Variants in DNAH12 observed in about 807,000 individuals in gnomAD.
The protein encoded by DNAH12 is dynein axonemal heavy chain 12.
Under a neutral mutation model 371.5 loss-of-function variants are expected in DNAH12, and 285 were observed. The ratio of observed to expected loss-of-function variants is 0.77; its 90% CI spans 0.70 to 0.85. The LOEUF (loss-of-function observed/expected upper bound fraction) is 0.85, where lower values mean the gene tolerates loss of function less well. DNAH12 is among the 40% of genes least tolerant of loss of function. The pLI, the probability that DNAH12 is intolerant of heterozygous loss-of-function variation, is 0.00. For missense variants in DNAH12, 3,611 were observed against 3,689.4 expected (o/e 0.98, Z 0.55); for synonymous variants, 1,200 against 1,213.0 (o/e 0.99, Z 0.22).
At chr3:57,381,812 T>C (rs1165229763) in intron 50 of DNAH12, among the ~76,000 whole-genome samples, 2 of 152,034 alleles carry the variant, frequency 1.3e-5, no homozygotes, top group Admixed American at 1.3e-4. Context: ...TCCAAGCCCA[T>C]GGTAGTGGAG....
At chr3:57,482,436 G>A (rs2066776891) in intron 13 of DNAH12, among the ~76,000 whole-genome samples, 1 of 151,280 alleles carries the variant, frequency 6.6e-6, no homozygotes, top group Admixed American at 6.6e-5. Flanking sequence ...GTGCTGGAGA[G>A]GATGTGGAGA....
rs542307806 is a variant in DNAH12 at position 57,293,959 on chromosome 3, C to T, written c.11705G>A (p.Arg3902Gln). The T allele has an allele frequency of 2.8e-4, 388 of 1,372,964 alleles. No individual in the cohort carries two copies. Among genetic ancestry groups the T allele is most frequent in the Non-Finnish European group, 3.5e-4 (364 of 1,053,312 alleles). The allele number at this position is 1,372,964 out of a possible 1,614,324, so 85.0% of individuals were successfully genotyped here. The change falls in exon 74 of 74, where the codon CGG becomes CAG. Residue 3902 changes from arginine (R) to glutamine (Q), a missense_variant. This residue lies in a region of DNAH12 where 2,266 missense variants were observed against 2,236.9 expected (regional missense o/e 1.01). Coordinates refer to ENST00000495027, the MANE Select transcript of DNAH12 (RefSeq NM_001366028.2). ...IIWIKPTQKS[R>Q]IIKSDAYVCP... Reference sequence around the variant, plus strand: ...GACATAGGCATCCGACTTTATAATCCGAGATTTTTGAGCTTGAAAAAAAAA... The same window carrying T: ...GACATAGGCATCCGACTTTATAATCTGAGATTTTTGAGCTTGAAAAAAAAA...
At chr3:57,402,826 A>T (rs2063912044) in intron 43 of DNAH12, among the ~76,000 whole-genome samples, 1 of 152,236 alleles carries the variant, frequency 6.6e-6, no homozygotes, top group Non-Finnish European at 1.5e-5. Flanking sequence ...GATTTGCAAC[A>T]TTCCCAACAC....
At chr3:57,294,707 G>A (rs1052755959) in intron 73 of DNAH12, among the ~76,000 whole-genome samples, 12 of 152,156 alleles carry the variant, frequency 7.9e-5, no homozygotes, top group South Asian at 2.1e-4. Flanking sequence ...AGAAGCTGAC[G>A]TTTCTATTTG....
At chr3:57,377,611 T>C (rs1275626167) in intron 52 of DNAH12, among the ~76,000 whole-genome samples, 9 of 152,088 alleles carry the variant, frequency 5.9e-5, no homozygotes, top group South Asian at 2.1e-4. Context: ...GTTTTTTTTT[T>C]CCTTTCCAAG....
intron 56 of DNAH12, among the ~76,000 whole-genome samples, chr3:57,367,317 T>G (rs1300715623): frequency 8.0e-6 from 1 of 124,452 alleles, no homozygotes; most frequent in Admixed American, 8.3e-5. Flanking sequence ...AGAGCAAGAC[T>G]CTGTCTCAAA....
At chr3:57,429,654 A>C in intron 33 of DNAH12, 37 bp downstream of exon 33, 1 of 1,497,858 alleles carries the variant, frequency 6.7e-7, no homozygotes, top group Non-Finnish European at 8.9e-7. Flanking sequence ...GAATGAAGAA[A>C]TGAACAAACC....
At chr3:57,305,897 G>A (rs1332309491) in intron 69 of DNAH12, among the ~76,000 whole-genome samples, 7 of 152,124 alleles carry the variant, frequency 4.6e-5, no homozygotes, top group Admixed American at 6.6e-5. Context: ...ACTTCAAAAC[G>A]CCTGAACCGC....
At chr3:57,476,926 A>T (rs572886770) in intron 13 of DNAH12, among the ~76,000 whole-genome samples, 1 of 152,336 alleles carries the variant, frequency 6.6e-6, no homozygotes, top group South Asian at 2.1e-4. Flanking sequence ...AAACTAAAGA[A>T]ATTCAAAGCT....
chr3:57,494,090 G>C lies in DNAH12; in HGVS notation c.1336-4403C>G, dbSNP rs111772739. ...TCTACAAAAAATACTAAAATTAGCT[G>C]GGTGTGATGGCACACGCCTGTTGTT... On this transcript the variant is annotated intron_variant, in intron 11 of 73. Transcript: ENST00000495027. Among the ~76,000 whole-genome samples the C allele has an allele frequency of 7.9e-3, 1,203 of 152,192 alleles. 13 individuals are homozygous for C. Among genetic ancestry groups the C allele is most frequent in the African/African-American group, 0.027 (1,124 of 41,530 alleles).
intron 62 of DNAH12, among the ~76,000 whole-genome samples, chr3:57,329,050 T>G (rs916945146): frequency 6.1e-5 from 9 of 148,302 alleles, no homozygotes; most frequent in East Asian, 2.0e-4. Flanking sequence ...CACTGCTCAA[T>G]GAAATTAAAG....
intron 56 of DNAH12, among the ~76,000 whole-genome samples, chr3:57,367,272 CTGA>C (rs2063071275): frequency 6.6e-6 from 1 of 152,146 alleles, no homozygotes; most frequent in Admixed American, 6.6e-5. Flanking sequence ...AAGCAGTGAG[CTGA>C]GACTGCACCA....
chr3:57,508,231 C>T (rs992372888), intron 7 of DNAH12, 151 bp downstream of exon 7: 6 of 738,010 alleles, frequency 8.1e-6, no homozygotes, highest in Non-Finnish European at 1.2e-5. Context: ...AAAACCCACA[C>T]AATTGTTGAA....
At chr3:57,491,929 C>T (rs1006162773) in intron 11 of DNAH12, among the ~76,000 whole-genome samples, 2 of 151,994 alleles carry the variant, frequency 1.3e-5, no homozygotes, top group African/African-American at 2.4e-5. Flanking sequence ...ACACTTGAGC[C>T]CAGAAGGCAG....
intron 62 of DNAH12, among the ~76,000 whole-genome samples, chr3:57,332,819 T>C (rs1277367700): frequency 6.6e-6 from 1 of 152,124 alleles, no homozygotes; most frequent in East Asian, 1.9e-4. Context: ...CTGGGACTCA[T>C]TCAGGTTCCC....
rs140357876 is a variant in DNAH12 at position 57,312,356 on chromosome 3, C to T, written c.10663-1406G>A. Reference sequence around the variant, plus strand: ...GGGTGTGTTCAACTGGGTTCCTTCCCCTCCCAAAGCTGAAGGAAGAGACTT... The same window carrying T: ...GGGTGTGTTCAACTGGGTTCCTTCCTCTCCCAAAGCTGAAGGAAGAGACTT... On this transcript the variant is annotated intron_variant, in intron 66 of 73. Transcript: ENST00000495027. Among the ~76,000 whole-genome samples, 893 of 152,180 alleles carry T rather than the reference C, an allele frequency of 5.9e-3. 11 individuals are homozygous for T. The highest frequency in any genetic ancestry group is 0.021 in the African/African-American group (868 of 41,522).
In DNAH12 at chr3:57,446,269, A is replaced by C. The variant is rs1001782269; in HGVS notation, c.3941T>G (p.Phe1314Cys). Residue 1314 changes from phenylalanine (F) to cysteine (C), a missense_variant and splice_region_variant, in exon 27 of 74, where the codon TTT (phenylalanine) becomes TGT (cysteine). Coordinates refer to ENST00000495027, the MANE Select transcript of DNAH12 (RefSeq NM_001366028.2). ...ACCAGAAGAAGCCAGTCCTTTAAAA[A>C]ACTAAGGACAAAGAAAAAGGAAAGT... The part of the protein sequence containing the change: ...DGLDYLAMGK[F>C]FKGLASSGAW... 7.1e-6 allele frequency: 11 copies of C among 1,548,782 alleles called. No homozygotes were observed. Among genetic ancestry groups the C allele is most frequent in the Non-Finnish European group, 9.6e-6 (11 of 1,145,522 alleles).
chr3:57,450,022 T>TCGCCTGA (rs2065703762), intron 25 of DNAH12, among the ~76,000 whole-genome samples: 2 of 151,996 alleles, frequency 1.3e-5, no homozygotes, highest in Non-Finnish European at 1.5e-5. Context: ...CATAGGCAGG[T>TCGCCTGA]GGATCACTTG....
intron 15 of DNAH12, 97 bp downstream of exon 15, chr3:57,471,358 GAGTAAACATAAAAAAAT>G: frequency 1.1e-6 from 1 of 923,546 alleles, no homozygotes; most frequent in South Asian, 3.4e-5. Flanking sequence ...GAAAAATATA[GAGTAAACATAAAAAAAT>G]AGTAAACATA....
Sources: gnomAD v4.1 joint callset for allele counts (sites outside exome capture counted in the v4.1 genomes callset) on GRCh38, gnomAD v4.1.1 for gene constraint, gnomAD v4.1.1 regional missense constraint, MANE v1.5 for transcripts, NCBI Gene and HGNC (gene_info 2026-07-23, HGNC 2026-07-21) for gene names.